Variants in PDE1A observed in about 807,000 individuals in gnomAD.
The protein encoded by PDE1A is phosphodiesterase 1A.
Under a neutral mutation model 61.7 loss-of-function variants are expected in PDE1A, and 35 were observed. The observed-to-expected ratio is 0.57, with a 90% confidence interval of 0.43 to 0.75. The LOEUF (loss-of-function observed/expected upper bound fraction) is 0.75, where lower values mean the gene tolerates loss of function less well. Ranked by LOEUF, PDE1A falls within the 30% of genes least tolerant of loss-of-function variation. The probability of loss-of-function intolerance (pLI) is 0.00; values close to 1 mark genes in which losing one functional copy is unlikely to be tolerated. For missense variants in PDE1A, 597 were observed against 630.6 expected (o/e 0.95, Z 0.57); for synonymous variants, 232 against 213.2 (o/e 1.09, Z -0.77).
At chr2:182,197,527 G>A (rs1214942398) in intron 10 of PDE1A, among the ~76,000 whole-genome samples, 2 of 150,124 alleles carry the variant, frequency 1.3e-5, no homozygotes, top group Non-Finnish European at 3.0e-5. Flanking sequence ...GATCTTTATA[G>A]TTTTAGGTTT....
At chr2:182,501,614 T>C (rs991349176) in intron 2 of PDE1A, among the ~76,000 whole-genome samples, 21 of 152,360 alleles carry the variant, frequency 1.4e-4, no homozygotes, top group African/African-American at 4.6e-4. Context: ...TTGTGTAAGC[T>C]TGTCTAATTC....
At chr2:182,653,294 T>C in the PDE1A span, among the ~76,000 whole-genome samples, 1 of 152,196 alleles carries the variant, frequency 6.6e-6, no homozygotes, top group Admixed American at 6.5e-5. Flanking sequence ...CATGTCTTGC[T>C]TCCTGGATCT....
chr2:182,152,135 T>C (rs1446076464), intron 13 of PDE1A, among the ~76,000 whole-genome samples: 1 of 152,206 alleles, frequency 6.6e-6, no homozygotes, highest in Non-Finnish European at 1.5e-5. Flanking sequence ...AAGAAGAATA[T>C]TACCTTTGCT....
intron 3 of PDE1A, among the ~76,000 whole-genome samples, chr2:182,236,187 T>C (rs1482820900): frequency 6.6e-6 from 1 of 152,222 alleles, no homozygotes; most frequent in Non-Finnish European, 1.5e-5. Context: ...AATTATCCTA[T>C]ATCTCTATTG....
the PDE1A span, among the ~76,000 whole-genome samples, chr2:182,574,853 G>C: frequency 6.6e-6 from 1 of 152,112 alleles, no homozygotes; most frequent in East Asian, 1.9e-4. Flanking sequence ...ACCATGCCCA[G>C]CTAATTTTTG....
At position 182,313,864 on chromosome 2, in the gene PDE1A, T is replaced by A. The variant is rs143749299; in HGVS notation, c.54-49450A>T. 4.5e-4 allele frequency among the ~76,000 whole-genome samples: 68 copies of A among 152,246 alleles called. No individual in the cohort carries two copies. In the East Asian group the frequency reaches 9.5e-3, roughly 21 times the overall value. ...ATGTAATTGATCTAATATTAAAGGG[T>A]AACTCATTTAAAAAGACTGGGAATA... On this transcript the variant is annotated intron_variant, in intron 1 of 13. Transcript: ENST00000351439.
In PDE1A at chr2:182,205,929, C is replaced by G. The variant is rs746531684; in HGVS notation, c.902+11G>C. On this transcript the variant is annotated intron_variant, in intron 8 of 13. Coordinates refer to ENST00000351439, the Ensembl canonical transcript of PDE1A. ...AAATTAAATTTCCTCTAGGTTTTCT[C>G]TGAAACTCACCTCCAGTCATCTTTG... 3.8e-6 allele frequency: 6 copies of G among 1,597,732 alleles called. No homozygotes were observed. The highest frequency in any genetic ancestry group is 5.1e-6 in the Non-Finnish European group (6 of 1,171,100).
intron 1 of PDE1A, among the ~76,000 whole-genome samples, chr2:182,384,490 A>C (rs1427073211): frequency 6.7e-6 from 1 of 148,346 alleles, no homozygotes; most frequent in Admixed American, 6.7e-5. Context: ...AATAATAATA[A>C]AATAGAAATC....
At chr2:182,538,589 C>T in the PDE1A span, among the ~76,000 whole-genome samples, 1 of 151,984 alleles carries the variant, frequency 6.6e-6, no homozygotes, top group Non-Finnish European at 1.5e-5. Context: ...TTTGACTATA[C>T]ACATTTCACT....
intron 10 of PDE1A, 150 bp from the exon 11 acceptor site, chr2:182,189,210 A>G: frequency 2.0e-6 from 1 of 496,690 alleles, no homozygotes; most frequent in Non-Finnish European, 3.5e-6. Context: ...GCTATGGTCC[A>G]AGTTTATATA....
intron 7 of PDE1A, among the ~76,000 whole-genome samples, chr2:182,214,279 AG>A (rs1687953684): frequency 6.6e-6 from 1 of 152,068 alleles, no homozygotes; most frequent in Admixed American, 6.5e-5. Context: ...AAACATGGAA[AG>A]GAACAACCAG....
At chr2:182,208,691 C>T (rs986077564) in intron 7 of PDE1A, among the ~76,000 whole-genome samples, 11 of 152,116 alleles carry the variant, frequency 7.2e-5, no homozygotes, top group African/African-American at 2.2e-4. Flanking sequence ...TGCCCAAGGC[C>T]GTAGGAGCAC....
the PDE1A span, among the ~76,000 whole-genome samples, chr2:182,602,085 C>A: frequency 2.0e-5 from 3 of 152,226 alleles, no homozygotes; most frequent in East Asian, 1.9e-4. Flanking sequence ...CCAGGTTCAG[C>A]CCCAACTTTG....
intron 1 of PDE1A, among the ~76,000 whole-genome samples, chr2:182,272,091 A>G: frequency 6.6e-6 from 1 of 152,188 alleles, no homozygotes; most frequent in Non-Finnish European, 1.5e-5. Context: ...CTAGAATAAT[A>G]AAGAAAAACA....
intron 2 of PDE1A, among the ~76,000 whole-genome samples, chr2:182,481,737 A>G (rs1261065066): frequency 6.6e-6 from 1 of 151,926 alleles, no homozygotes; most frequent in African/African-American, 2.4e-5. Context: ...ATTGCCTTAT[A>G]GTCCAATCTC....
At chr2:182,208,008 T>C (rs2368279) in intron 7 of PDE1A, among the ~76,000 whole-genome samples, 109,506 of 152,142 alleles carry the variant, frequency 0.72, 39,701 homozygotes, top group East Asian at 0.91. Context: ...GCCTAGATTT[T>C]GGAGGATGTA....
chr2:182,547,081 A>G, the PDE1A span, among the ~76,000 whole-genome samples: 1 of 152,236 alleles, frequency 6.6e-6, no homozygotes, highest in Admixed American at 6.5e-5. Context: ...TAAAAATAAA[A>G]TTGAAAGTAT....
At chr2:182,406,050 G>C (rs1454854694) in intron 1 of PDE1A, among the ~76,000 whole-genome samples, 1 of 151,748 alleles carries the variant, frequency 6.6e-6, no homozygotes, top group Non-Finnish European at 1.5e-5. Flanking sequence ...TTTCCTATTT[G>C]ATAATAATAG....
intron 1 of PDE1A, among the ~76,000 whole-genome samples, chr2:182,277,980 A>T (rs1693548989): frequency 1.3e-5 from 2 of 152,060 alleles, no homozygotes; most frequent in African/African-American, 2.4e-5. Flanking sequence ...ACTACAGTGT[A>T]TTCAATGTCA....
Sources: gnomAD v4.1 joint callset for allele counts (sites outside exome capture counted in the v4.1 genomes callset) on GRCh38, gnomAD v4.1.1 for gene constraint, MANE v1.5 for transcripts, NCBI Gene and HGNC (gene_info 2026-07-23, HGNC 2026-07-21) for gene names.